ZNF532: variants seen among roughly 807,000 people sequenced by gnomAD.
The protein encoded by ZNF532 is zinc finger protein 532.
In ZNF532, 22 loss-of-function variants were observed where a neutral mutation model predicts 89.3. That is an observed-to-expected ratio of 0.25 (90% CI 0.18 to 0.35). The LOEUF (loss-of-function observed/expected upper bound fraction) is 0.35, where lower values mean the gene tolerates loss of function less well. Ranked by LOEUF, ZNF532 falls within the 10% of genes least tolerant of loss-of-function variation. ZNF532 has a pLI of 1.00. For synonymous variants in ZNF532, 606 were observed against 649.6 expected, an observed-to-expected ratio of 0.93 and a Z score of 1.02; for missense variants, 1,132 against 1,643.4, an observed-to-expected ratio of 0.69 and a Z score of 5.38.
intron 5 of ZNF532, 93 bp from the exon 6 acceptor site, chr18:58,947,974 C>T: frequency 1.6e-6 from 2 of 1,220,760 alleles, no homozygotes; most frequent in Non-Finnish European, 2.3e-6. Flanking sequence ...TCTCAATGTG[C>T]CTCTGCCTCC....
intron 5 of ZNF532, among the ~76,000 whole-genome samples, chr18:58,942,349 CCCTTCCTTCCTTCCTT>C (rs1179053195): frequency 0.012 from 523 of 43,018 alleles, 21 homozygotes; most frequent in African/African-American, 0.029. Context: ...CTCCCTCCCT[CCCTTCCTTCCTTCCTT>C]CCTTCCTTCC....
chr18:58,979,958 G>GTATC (rs1346171055), intron 8 of ZNF532: 1 of 152,214 alleles, frequency 6.6e-6, no homozygotes, highest in East Asian at 1.9e-4. Context: ...ACACCAGAAC[G>GTATC]TATCTCATCA....
chr18:58,937,481 A>G (rs1189637520), intron 4 of ZNF532, among the ~76,000 whole-genome samples: 2 of 152,130 alleles, frequency 1.3e-5, no homozygotes, highest in Non-Finnish European at 2.9e-5. Flanking sequence ...TTCCATCTTT[A>G]TTTTAGATAC....
intron 5 of ZNF532, among the ~76,000 whole-genome samples, chr18:58,941,963 T>TCTCCCTCCCTCCCTCTCTCCCTCC (rs2063097034): frequency 9.4e-6 from 1 of 106,582 alleles, no homozygotes; most frequent in South Asian, 3.8e-4. Context: ...TCCCTCCCTC[T>TCTCCCTCCCTCCCTCTCTCCCTCC]CTCCCTCCCT....
chr18:58,881,144 C>T lies in ZNF532; in HGVS notation c.-18+15565C>T, dbSNP rs1039042920. On this transcript the variant is annotated intron_variant, in intron 2 of 9. Transcript: ENST00000591808. ...TGAGACAGAGTCTCGCTCTGTCGCC[C>T]GGGCTGGAGTGCAGTGGCGTGATCT... is the stretch of plus-strand genomic sequence containing the variant. 2.6e-5 allele frequency among the ~76,000 whole-genome samples: 4 copies of T among 151,346 alleles called. No individual in the cohort carries two copies. The East Asian group carries it at 5.8e-4, about 22-fold the overall frequency.
chr18:58,974,668 TACAC>T (rs751030820), intron 7 of ZNF532, among the ~76,000 whole-genome samples: 1 of 152,170 alleles, frequency 6.6e-6, no homozygotes, highest in Non-Finnish European at 1.5e-5. Flanking sequence ...ACAAAACACA[TACAC>T]ACAACAAACC....
chr18:58,888,794 A>T (rs1568246793), intron 2 of ZNF532, among the ~76,000 whole-genome samples: 2 of 52,690 alleles, frequency 3.8e-5, no homozygotes, highest in Admixed American at 3.3e-4. Context: ...TAAAATATAT[A>T]TAATTTATAT....
intron 7 of ZNF532, among the ~76,000 whole-genome samples, chr18:58,962,331 A>T (rs903333685): frequency 6.6e-6 from 1 of 152,156 alleles, no homozygotes; most frequent in Admixed American, 6.5e-5. Context: ...TGCTAGTGTG[A>T]GGTGGATATT....
intron 4 of ZNF532, among the ~76,000 whole-genome samples, chr18:58,937,268 C>T (rs1336906406): frequency 1.3e-5 from 2 of 152,112 alleles, no homozygotes; most frequent in African/African-American, 2.4e-5. Flanking sequence ...CTGCATGAGC[C>T]GTTTGAAGTC....
At chr18:58,947,149 G>C (rs987466629) in intron 5 of ZNF532, among the ~76,000 whole-genome samples, 1 of 152,132 alleles carries the variant, frequency 6.6e-6, no homozygotes, top group African/African-American at 2.4e-5. Context: ...GATGCCCATA[G>C]GCCCTCTCCT....
At chr18:58,924,456 G>A (rs1295874704) in intron 3 of ZNF532, among the ~76,000 whole-genome samples, 1 of 152,198 alleles carries the variant, frequency 6.6e-6, no homozygotes, top group Non-Finnish European at 1.5e-5. Flanking sequence ...GGTGTAAAGG[G>A]TATGGCCTCT....
At chr18:58,891,492 T>G (rs1602711109) in intron 2 of ZNF532, among the ~76,000 whole-genome samples, 1 of 152,218 alleles carries the variant, frequency 6.6e-6, no homozygotes, top group African/African-American at 2.4e-5. Context: ...ATCATGTCAC[T>G]GCACTCCAGT....
chr18:58,868,455 A>T (rs1360243736), intron 2 of ZNF532, among the ~76,000 whole-genome samples: 1 of 152,102 alleles, frequency 6.6e-6, no homozygotes, highest in Non-Finnish European at 1.5e-5. Flanking sequence ...ACACCAGAGC[A>T]TTTCCTCTTG....
At chr18:58,963,252 G>A (rs971250178) in intron 7 of ZNF532, among the ~76,000 whole-genome samples, 11 of 152,170 alleles carry the variant, frequency 7.2e-5, no homozygotes, top group African/African-American at 2.7e-4. Flanking sequence ...TGTTCCTAAA[G>A]CCTTTAAGAA....
At chr18:58,956,022 G>T (rs995782447) in intron 7 of ZNF532, among the ~76,000 whole-genome samples, 7 of 152,176 alleles carry the variant, frequency 4.6e-5, no homozygotes, top group African/African-American at 9.7e-5. Context: ...TGAGATTTCT[G>T]TAACTATCTT....
At chr18:58,923,736 G>A (rs1472399779) in intron 3 of ZNF532, among the ~76,000 whole-genome samples, 3 of 152,184 alleles carry the variant, frequency 2.0e-5, no homozygotes, top group Non-Finnish European at 4.4e-5. Context: ...ACAGAACTTG[G>A]TTTCTGTCTG....
chr18:58,867,678 C>T (rs552723594), intron 2 of ZNF532, among the ~76,000 whole-genome samples: 62 of 152,268 alleles, frequency 4.1e-4, no homozygotes, highest in African/African-American at 1.3e-3. Context: ...AGACGACCTG[C>T]GGTCCATCCC....
At position 58,981,499 on chromosome 18, in the gene ZNF532, C is replaced by G. The variant is rs934480016; in HGVS notation, c.3293C>G (p.Thr1098Ser). The G allele has an allele frequency of 1.2e-6, 2 of 1,613,522 alleles. No homozygotes were observed. The highest frequency in any genetic ancestry group is 1.7e-6 in the Non-Finnish European group (2 of 1,179,994). ...TGCCCAGACTCCAGACGTACCTTTA[C>G]CAAACGTTTGATGCTGGAGAAGCAC... is the stretch of plus-strand genomic sequence containing the variant. Reference protein sequence around the residue: ...SHCPDSRRTFTKRLMLEKHVQ... With the variant: ...SHCPDSRRTFSKRLMLEKHVQ... Residue 1098 changes from threonine to serine, a missense_variant, in exon 9 of 10, where the codon ACC becomes AGC. Physicochemically the swap from Thr to Ser is moderately conservative, Grantham distance 58. Transcript: ENST00000591808.
chr18:58,919,209 C>T lies in ZNF532; in HGVS notation c.922C>T (p.Pro308Ser), dbSNP rs756394481. ...GTTACCAAAAGAAGTAAATGACAGT[C>T]CGAGAGCCGCTGACAAGTCTCCTGA... ...SPLPKEVNDS[P>S]RAADKSPESQ... The change falls in exon 3 of 10, where the codon CCG becomes TCG. Residue 308 changes from proline to serine, a missense_variant. Transcript: ENST00000591808. The surrounding 1 kb of genome is among the most constrained non-coding windows in gnomAD (Gnocchi z 6.1). 1 of 1,614,066 alleles carries T rather than the reference C, an allele frequency of 6.2e-7. No individual in the cohort carries two copies. The highest frequency in any genetic ancestry group is 2.2e-5 in the East Asian group (1 of 44,868).
Sources: gnomAD v4.1 joint callset for allele counts (sites outside exome capture counted in the v4.1 genomes callset) on GRCh38, gnomAD v4.1.1 for gene constraint, Gnocchi (gnomAD v3.1) non-coding constraint, MANE v1.5 for transcripts, NCBI Gene and HGNC (gene_info 2026-07-23, HGNC 2026-07-21) for gene names.